GRIK2: variants seen among roughly 807,000 people sequenced by gnomAD.
GRIK2 encodes glutamate receptor ionotropic, kainate 2.
Under a neutral mutation model 100.3 loss-of-function variants are expected in GRIK2, and 32 were observed. The observed-to-expected ratio is 0.32, with a 90% CI of 0.24 to 0.43. The LOEUF is 0.43. Among genes scored for constraint, GRIK2 ranks in the 20% least tolerant of loss-of-function variants. The pLI is 1.00. For synonymous variants in GRIK2, 417 were observed against 389.4 expected (o/e 1.07, Z -0.83); for missense variants, 843 against 1,114.9 (o/e 0.76, Z 3.47).
At chr6:101,976,158 A>G (rs1266969065) in intron 14 of GRIK2, among the ~76,000 whole-genome samples, 1 of 151,964 alleles carries the variant, frequency 6.6e-6, no homozygotes, top group Non-Finnish European at 1.5e-5. Flanking sequence ...ATCTACAGTG[A>G]GAAATTGGAG....
chr6:101,672,080 A>G (rs1372116967), intron 4 of GRIK2, among the ~76,000 whole-genome samples: 1 of 152,140 alleles, frequency 6.6e-6, no homozygotes, highest in Non-Finnish European at 1.5e-5. Context: ...AGATATGGCT[A>G]GGATGGATGC....
At chr6:101,821,519 A>G (rs907409064) in intron 10 of GRIK2, among the ~76,000 whole-genome samples, 1 of 152,162 alleles carries the variant, frequency 6.6e-6, no homozygotes, top group Non-Finnish European at 1.5e-5. Flanking sequence ...AAGATCAACT[A>G]TGGAAGATGC....
At chr6:102,005,744 A>ATTACTTTGTATTATATTT (rs1257241369) in intron 14 of GRIK2, among the ~76,000 whole-genome samples, 52 of 152,106 alleles carry the variant, frequency 3.4e-4, no homozygotes, top group African/African-American at 1.2e-3. Flanking sequence ...TTCTTATCCA[A>ATTACTTTGTATTATATTT]GTGTATTATA....
intron 10 of GRIK2, among the ~76,000 whole-genome samples, chr6:101,825,460 A>G (rs1173069476): frequency 6.6e-6 from 1 of 152,160 alleles, no homozygotes; most frequent in Admixed American, 6.5e-5. Context: ...TTGATGTAAA[A>G]TTAGGTATAA....
At chr6:101,639,113 C>T (rs953804800) in intron 4 of GRIK2, among the ~76,000 whole-genome samples, 1 of 152,112 alleles carries the variant, frequency 6.6e-6, no homozygotes, top group African/African-American at 2.4e-5. Flanking sequence ...AATCTCGGCT[C>T]ACTGCAACCC....
chr6:101,509,124 C>A (rs940693088), intron 2 of GRIK2, among the ~76,000 whole-genome samples: 1 of 146,668 alleles, frequency 6.8e-6, no homozygotes, highest in East Asian at 2.0e-4. Flanking sequence ...TGCCACTGCA[C>A]TCCAGTCTGG....
chr6:102,067,960 AT>A (rs1401590718), intron 16 of GRIK2, among the ~76,000 whole-genome samples: 3 of 151,932 alleles, frequency 2.0e-5, no homozygotes, highest in Non-Finnish European at 4.4e-5. Context: ...TGATTTGTCT[AT>A]TTTTTTGTAT....
rs1336374267 is a variant in GRIK2 at position 102,060,991 on chromosome 6, CCTTT to C, written c.2562+5416_2562+5419del. ...TTTTTTTATTGTTTTTATATCACTG[CCTTT>C]CTTTGAGAGCTGAGTGTCTTTCAAT... On this transcript the variant is annotated intron_variant, in intron 16 of 16. Coordinates refer to ENST00000369134, the MANE Select transcript of GRIK2 (RefSeq NM_021956.5). 2.0e-5 allele frequency among the ~76,000 whole-genome samples: 3 copies of C among 150,284 alleles called. No homozygotes were observed. In the East Asian group the frequency reaches 5.9e-4, roughly 29 times the overall value.
chr6:101,902,675 C>A (rs925928422), intron 12 of GRIK2, among the ~76,000 whole-genome samples: 2 of 151,858 alleles, frequency 1.3e-5, no homozygotes, highest in Admixed American at 1.3e-4. Context: ...TACTAAATTA[C>A]AAAAATTTAA....
At position 101,880,470 on chromosome 6, in the gene GRIK2, G is replaced by A. The variant is rs145950021; in HGVS notation, c.1525-9170G>A. On this transcript the variant is annotated intron_variant, in intron 11 of 16. Coordinates refer to ENST00000369134, the MANE Select transcript of GRIK2 (RefSeq NM_021956.5). ...AGAGTTGTGTATAAGCTCTGGGAGG[G>A]ATCATGTTTAAATATCTTGACATTC... 5.9e-5 allele frequency among the ~76,000 whole-genome samples: 9 copies of A among 152,022 alleles called. No individual in the cohort carries two copies. In the East Asian group the frequency reaches 1.6e-3, roughly 26 times the overall value.
chr6:101,607,723 G>C (rs1779498218), intron 2 of GRIK2, among the ~76,000 whole-genome samples: 1 of 151,804 alleles, frequency 6.6e-6, no homozygotes, highest in African/African-American at 2.4e-5. Flanking sequence ...GTAGTTCTTT[G>C]GTATGCAATC....
chr6:102,059,445 A>C (rs1458894130), intron 16 of GRIK2, among the ~76,000 whole-genome samples: 2 of 151,114 alleles, frequency 1.3e-5, no homozygotes, highest in African/African-American at 4.8e-5. Context: ...TTTCTACTGA[A>C]GTTTCACTGA....
chr6:101,646,026 A>G (rs918224353), intron 4 of GRIK2, among the ~76,000 whole-genome samples: 1 of 151,916 alleles, frequency 6.6e-6, no homozygotes. Flanking sequence ...TTTGCATTAC[A>G]TTAAGATGTG....
At chr6:101,918,935 A>G (rs1398218534) in intron 12 of GRIK2, among the ~76,000 whole-genome samples, 3 of 151,794 alleles carry the variant, frequency 2.0e-5, no homozygotes, top group Non-Finnish European at 3.0e-5. Flanking sequence ...TTTGGGCAAA[A>G]GCAAACACTA....
At chr6:101,885,209 G>T (rs1347730664) in intron 11 of GRIK2, among the ~76,000 whole-genome samples, 1 of 152,018 alleles carries the variant, frequency 6.6e-6, no homozygotes, top group African/African-American at 2.4e-5. Flanking sequence ...ACATGATTCT[G>T]TTTATAAATT....
At chr6:101,817,979 G>C (rs1781736238) in intron 9 of GRIK2, among the ~76,000 whole-genome samples, 1 of 152,088 alleles carries the variant, frequency 6.6e-6, no homozygotes. Context: ...CTGTCTTTTA[G>C]CTTTGTCTGT....
At chr6:101,830,248 A>G (rs1457588651) in intron 10 of GRIK2, among the ~76,000 whole-genome samples, 1 of 151,984 alleles carries the variant, frequency 6.6e-6, no homozygotes, top group Non-Finnish European at 1.5e-5. Context: ...CTGGACCACT[A>G]CTTTTCACTC....
At chr6:102,027,702 T>G (rs987616963) in intron 14 of GRIK2, among the ~76,000 whole-genome samples, 4 of 151,102 alleles carry the variant, frequency 2.6e-5, no homozygotes, top group Non-Finnish European at 4.5e-5. Context: ...ATTGATAATG[T>G]TATTTTCTTA....
intron 15 of GRIK2, among the ~76,000 whole-genome samples, chr6:102,045,433 G>T (rs1021119202): frequency 6.6e-6 from 1 of 152,030 alleles, no homozygotes; most frequent in Non-Finnish European, 1.5e-5. Context: ...AAAGGAAAAA[G>T]ATAGTGAGAG....
Sources: gnomAD v4.1 joint callset for allele counts (sites outside exome capture counted in the v4.1 genomes callset) on GRCh38, gnomAD v4.1.1 for gene constraint, MANE v1.5 for transcripts, NCBI Gene and HGNC (gene_info 2026-07-23, HGNC 2026-07-21) for gene names.